Variants in CDH18 observed in about 807,000 individuals in gnomAD.
The protein encoded by CDH18 is cadherin-18.
A neutral mutation model predicts 67.9 loss-of-function variants in CDH18; 31 were observed. The ratio of observed to expected loss-of-function variants is 0.46; its 90% CI spans 0.34 to 0.62. CDH18 has a LOEUF of 0.62. Ranked by LOEUF, CDH18 falls within the 20% of genes least tolerant of loss-of-function variation. The probability of loss-of-function intolerance (pLI) is 0.01; values close to 1 mark genes in which losing one functional copy is unlikely to be tolerated. For synonymous variants in CDH18, 362 were observed against 347.2 expected (o/e 1.04, Z -0.48); for missense variants, 890 against 975.5 (o/e 0.91, Z 1.17).
chr5:19,886,711 C>T (rs563521142), intron 2 of CDH18, among the ~76,000 whole-genome samples: 10 of 152,272 alleles, frequency 6.6e-5, no homozygotes, highest in African/African-American at 1.9e-4. Context: ...AGTGAAAGCA[C>T]CTGTGTAATC....
At chr5:20,128,121 A>G (rs181026352) in intron 2 of CDH18, among the ~76,000 whole-genome samples, 1 of 152,136 alleles carries the variant, frequency 6.6e-6, no homozygotes, top group Non-Finnish European at 1.5e-5. Flanking sequence ...TACTACAGAA[A>G]AGTCTTTTTT....
At chr5:19,628,672 A>G (rs753682288) in intron 5 of CDH18, among the ~76,000 whole-genome samples, 3 of 151,994 alleles carry the variant, frequency 2.0e-5, no homozygotes, top group Non-Finnish European at 4.4e-5. Flanking sequence ...TCAATTTTGG[A>G]TCTACTCTGA....
intron 2 of CDH18, among the ~76,000 whole-genome samples, chr5:19,965,016 A>G (rs776082222): frequency 1.3e-5 from 2 of 152,320 alleles, no homozygotes; most frequent in Middle Eastern, 3.4e-3. Context: ...TATGCAATAT[A>G]TACCATAAAA....
rs546776487 is a variant in CDH18 at position 20,265,689 on chromosome 5, T to G, written c.-579-10184A>C. ...ATAAAAAATATAAATATTTTATGCC[T>G]GTACCATGCTAGATTTTTACATTGC... On this transcript the variant is annotated intron_variant, in intron 1 of 14. Coordinates refer to the CDH18 transcript ENST00000507958. Among the ~76,000 whole-genome samples the G allele has an allele frequency of 3.9e-5, 6 of 152,318 alleles. No homozygotes were observed. The South Asian group carries it at 6.2e-4, about 16-fold the overall frequency.
At chr5:20,046,786 C>T (rs982660122) in intron 2 of CDH18, among the ~76,000 whole-genome samples, 5 of 151,506 alleles carry the variant, frequency 3.3e-5, no homozygotes, top group African/African-American at 9.7e-5. Context: ...GATTTCACAG[C>T]GCTTTTCGAG....
chr5:20,151,159 C>G (rs150649417), intron 2 of CDH18, among the ~76,000 whole-genome samples: 4 of 152,062 alleles, frequency 2.6e-5, no homozygotes, highest in Non-Finnish European at 5.9e-5. Flanking sequence ...TTTCTCTCCC[C>G]ACCCTGGTAG....
chr5:19,635,900 C>A (rs1753077222), intron 5 of CDH18, among the ~76,000 whole-genome samples: 1 of 152,108 alleles, frequency 6.6e-6, no homozygotes, highest in African/African-American at 2.4e-5. Context: ...AAAAAGGAGA[C>A]ATTCCTGTTA....
intron 3 of CDH18, among the ~76,000 whole-genome samples, chr5:19,802,505 A>G (rs1392949179): frequency 6.6e-6 from 1 of 152,198 alleles, no homozygotes; most frequent in Non-Finnish European, 1.5e-5. Context: ...GGCATAACAG[A>G]TAAGATAAAA....
chr5:20,443,024 A>C (rs2150193840), intron 1 of CDH18, among the ~76,000 whole-genome samples: 1 of 150,988 alleles, frequency 6.6e-6, no homozygotes, highest in South Asian at 2.1e-4. Context: ...CCCGGCTAAA[A>C]CGGTGAAACC....
intron 2 of CDH18, among the ~76,000 whole-genome samples, chr5:20,037,534 G>C (rs1186640162): frequency 1.3e-5 from 2 of 152,026 alleles, no homozygotes; most frequent in African/African-American, 4.8e-5. Flanking sequence ...AATCAAATTA[G>C]AATTCAGGAT....
intron 2 of CDH18, among the ~76,000 whole-genome samples, chr5:20,072,018 T>C (rs1743522566): frequency 6.6e-6 from 1 of 152,100 alleles, no homozygotes; most frequent in Admixed American, 6.5e-5. Context: ...TTACTAACAT[T>C]GGGATTTTTA....
Position 20,101,110 on chromosome 5 carries a change from C to T in CDH18, c.-517-109096G>A, listed in dbSNP as rs985530034. Among the ~76,000 whole-genome samples the T allele has an allele frequency of 4.0e-5, 6 of 151,890 alleles. No homozygotes were observed. The South Asian group carries it at 6.2e-4, about 16-fold the overall frequency. ...GGGACTACAGGTATGTACACCACATCGGGCTTTTTTTTTTCTTCAGTTTTT... is the reference window on the plus strand; with the variant it reads ...GGGACTACAGGTATGTACACCACATTGGGCTTTTTTTTTTCTTCAGTTTTT... On this transcript the variant is annotated intron_variant, in intron 2 of 14. Transcript: ENST00000507958.
At chr5:19,704,066 T>A (rs555565887) in intron 5 of CDH18, among the ~76,000 whole-genome samples, 2 of 152,266 alleles carry the variant, frequency 1.3e-5, no homozygotes, top group East Asian at 1.9e-4. Flanking sequence ...TTGTGTCATA[T>A]GTGGAAATCA....
At chr5:20,385,572 T>C (rs1744251668) in intron 1 of CDH18, among the ~76,000 whole-genome samples, 3 of 152,146 alleles carry the variant, frequency 2.0e-5, no homozygotes, top group Admixed American at 2.0e-4. Context: ...TTGATACAGA[T>C]GGGAAAACGT....
rs70950101 is a variant in CDH18, at chr5:19,774,426, T to TTAAAA, written c.229-27195_229-27191dup. 3.1e-3 allele frequency among the ~76,000 whole-genome samples: 427 copies of TTAAAA among 139,448 alleles called. 6 individuals are homozygous for TTAAAA. Among genetic ancestry groups the TTAAAA allele is most frequent in the South Asian group, 0.019 (82 of 4,208 alleles). 91.5% of individuals were successfully genotyped at this position (139,448 alleles called of 152,430 possible). On this transcript the variant is annotated intron_variant, in intron 3 of 12. Coordinates refer to ENST00000382275, the MANE Select transcript of CDH18 (RefSeq NM_004934.5). ...AAACCTTGTCAAAAATAAAATAAAATTAAAATAAAATAAAATAAAATAAAT... is the reference window on the plus strand; with the variant it reads ...AAACCTTGTCAAAAATAAAATAAAATTAAAATAAAATAAAATAAAATAAAATAAAT...
chr5:20,054,548 T>C (rs1050099602), intron 2 of CDH18, among the ~76,000 whole-genome samples: 4 of 152,158 alleles, frequency 2.6e-5, no homozygotes, highest in African/African-American at 7.2e-5. Context: ...ATTCTACCAA[T>C]TGAAGGTCTT....
chr5:19,851,052 G>C (rs182458129), intron 2 of CDH18, among the ~76,000 whole-genome samples: 45 of 151,856 alleles, frequency 3.0e-4, no homozygotes, highest in African/African-American at 9.6e-4. Flanking sequence ...GTATAACTTT[G>C]TTGAATATTA....
At chr5:19,490,583 T>A (rs2126663994) in intron 11 of CDH18, among the ~76,000 whole-genome samples, 1 of 151,452 alleles carries the variant, frequency 6.6e-6, no homozygotes, top group East Asian at 2.0e-4. Flanking sequence ...CCCAGCTAAT[T>A]TTTATATTTT....
At chr5:19,552,751 C>T (rs1158445695) in intron 8 of CDH18, among the ~76,000 whole-genome samples, 2 of 152,124 alleles carry the variant, frequency 1.3e-5, no homozygotes, top group African/African-American at 4.8e-5. Flanking sequence ...TCTAACTGGA[C>T]AAGTCCCATA....
Sources: allele counts gnomAD v4.1 joint callset (sites outside exome capture counted in the v4.1 genomes callset), GRCh38; gene constraint gnomAD v4.1.1; transcripts MANE v1.5; gene names NCBI Gene and HGNC (gene_info 2026-07-23, HGNC 2026-07-21).